The following CNTNAP2 variants were observed in gnomAD, a reference collection of about 807,000 sequenced individuals.
CNTNAP2 encodes contactin associated protein 2.
In CNTNAP2, 98 loss-of-function variants were observed where a neutral mutation model predicts 155.2. The observed-to-expected ratio is 0.63, with a 90% CI of 0.54 to 0.75. CNTNAP2 has a LOEUF of 0.75. CNTNAP2 is among the 30% of genes least tolerant of loss of function. CNTNAP2 has a pLI of 0.00. For missense variants in CNTNAP2, 1,727 were observed against 1,688.1 expected (o/e 1.02, Z -0.40); for synonymous variants, 651 against 631.2 (o/e 1.03, Z -0.47).
intron 15 of CNTNAP2, among the ~76,000 whole-genome samples, chr7:148,027,394 A>G (rs958987371): frequency 1.3e-5 from 2 of 152,160 alleles, no homozygotes; most frequent in African/African-American, 4.8e-5. Flanking sequence ...AATTCAGCCC[A>G]CCTAAAGTTT....
intron 16 of CNTNAP2, among the ~76,000 whole-genome samples, chr7:148,120,430 C>T (rs1215103707): frequency 6.6e-6 from 1 of 151,946 alleles, no homozygotes; most frequent in African/African-American, 2.4e-5. Flanking sequence ...CTGCACCTGG[C>T]TAATTGTTGT....
intron 18 of CNTNAP2, among the ~76,000 whole-genome samples, chr7:148,214,640 G>A (rs999363827): frequency 6.6e-6 from 1 of 152,124 alleles, no homozygotes; most frequent in Non-Finnish European, 1.5e-5. Context: ...GGCGGATCTC[G>A]GCTCAGTACA....
chr7:147,389,304 GC>G (rs1373089366), intron 9 of CNTNAP2, among the ~76,000 whole-genome samples: 10 of 152,170 alleles, frequency 6.6e-5, no homozygotes, highest in Admixed American at 6.5e-4. Context: ...CATTCCACCA[GC>G]CTCCCTTGGA....
At chr7:146,248,189 C>T (rs991363239) in intron 1 of CNTNAP2, among the ~76,000 whole-genome samples, 12 of 151,618 alleles carry the variant, frequency 7.9e-5, no homozygotes, top group African/African-American at 1.9e-4. Flanking sequence ...AATAAGGGAT[C>T]GAGGCGCAGA....
intron 2 of CNTNAP2, among the ~76,000 whole-genome samples, chr7:146,784,514 T>TAAAC (rs554289243): frequency 1.3e-5 from 2 of 152,206 alleles, no homozygotes; most frequent in Non-Finnish European, 2.9e-5. Flanking sequence ...TCAATGTATT[T>TAAAC]AAACAAACAA....
intron 4 of CNTNAP2, among the ~76,000 whole-genome samples, chr7:147,104,392 C>T (rs1800715673): frequency 6.6e-6 from 1 of 151,966 alleles, no homozygotes; most frequent in South Asian, 2.1e-4. Context: ...AAACTATATA[C>T]AGTATTATCC....
chr7:146,595,912 C>T (rs1417632807), intron 1 of CNTNAP2, among the ~76,000 whole-genome samples: 2 of 151,828 alleles, frequency 1.3e-5, no homozygotes, highest in African/African-American at 4.8e-5. Flanking sequence ...TTAACTTGTC[C>T]AGGTGTAAAT....
chr7:148,053,259 A>G (rs1802928856), intron 15 of CNTNAP2, among the ~76,000 whole-genome samples: 1 of 152,186 alleles, frequency 6.6e-6, no homozygotes, highest in African/African-American at 2.4e-5. Flanking sequence ...GGGGAACCTT[A>G]CATTTTCTTT....
intron 13 of CNTNAP2, among the ~76,000 whole-genome samples, chr7:147,673,749 C>A (rs1429301816): frequency 1.3e-5 from 2 of 152,018 alleles, no homozygotes; most frequent in Non-Finnish European, 2.9e-5. Flanking sequence ...GAGACACAGA[C>A]CAACTGAAAT....
At chr7:147,736,703 T>C (rs1368159612) in intron 13 of CNTNAP2, among the ~76,000 whole-genome samples, 1 of 152,226 alleles carries the variant, frequency 6.6e-6, no homozygotes, top group Non-Finnish European at 1.5e-5. Flanking sequence ...CCATATTTCT[T>C]GGAGGCTTTG....
intron 1 of CNTNAP2, among the ~76,000 whole-genome samples, chr7:146,658,262 C>T (rs182742523): frequency 7.2e-5 from 11 of 151,806 alleles, no homozygotes; most frequent in South Asian, 4.2e-4. Flanking sequence ...AATTTACAAA[C>T]GGTAAAGATC....
Position 147,128,775 on chromosome 7 carries a change from A to G in CNTNAP2, c.1022A>G (p.Asn341Ser). ...KNFKGCMESINYNGVNITDLA... is the reference protein window; with the variant it reads ...KNFKGCMESISYNGVNITDLA... ...TTCAAAGGCTGCATGGAAAGCATCAACTACAATGGCGTCAACATTACTGAT... is the reference window on the plus strand; with the variant it reads ...TTCAAAGGCTGCATGGAAAGCATCAGCTACAATGGCGTCAACATTACTGAT... Residue 341 changes from asparagine to serine, a missense_variant, in exon 7 of 24, where the codon AAC becomes AGC. Coordinates refer to ENST00000361727, the MANE Select transcript of CNTNAP2 (RefSeq NM_014141.6). 1 of 1,614,142 alleles carries G rather than the reference A, an allele frequency of 6.2e-7. No homozygotes were observed. Among genetic ancestry groups the G allele is most frequent in the South Asian group, 1.1e-5 (1 of 91,088 alleles).
chr7:146,912,356 A>G (rs1420646938), intron 3 of CNTNAP2, among the ~76,000 whole-genome samples: 3 of 151,692 alleles, frequency 2.0e-5, no homozygotes, highest in Admixed American at 2.0e-4. Flanking sequence ...TCAAACATGC[A>G]TACTAATAAA....
chr7:147,468,204 C>A (rs1375677363), intron 10 of CNTNAP2, among the ~76,000 whole-genome samples: 1 of 152,082 alleles, frequency 6.6e-6, no homozygotes, highest in Non-Finnish European at 1.5e-5. Flanking sequence ...GGCAGGATTG[C>A]TTGACCCTAG....
intron 14 of CNTNAP2, among the ~76,000 whole-genome samples, chr7:147,959,067 T>C (rs1463553335): frequency 6.6e-6 from 1 of 152,204 alleles, no homozygotes; most frequent in Non-Finnish European, 1.5e-5. Flanking sequence ...TAAAAACTTA[T>C]CATTCCTTTC....
At chr7:148,182,000 G>A (rs1399242733) in intron 18 of CNTNAP2, among the ~76,000 whole-genome samples, 1 of 150,728 alleles carries the variant, frequency 6.6e-6, no homozygotes, top group African/African-American at 2.4e-5. Context: ...CTCGTGATCC[G>A]CCCGCCTCAG....
At chr7:146,439,022 C>A (rs2129118855) in intron 1 of CNTNAP2, among the ~76,000 whole-genome samples, 1 of 151,430 alleles carries the variant, frequency 6.6e-6, no homozygotes, top group South Asian at 2.1e-4. Context: ...TTTTCAAAAA[C>A]AGAAAACAGT....
At chr7:147,388,291 A>G (rs943080109) in intron 9 of CNTNAP2, among the ~76,000 whole-genome samples, 2 of 152,124 alleles carry the variant, frequency 1.3e-5, no homozygotes, top group Non-Finnish European at 2.9e-5. Flanking sequence ...AAAATGTTCC[A>G]GATTCTTACT....
intron 15 of CNTNAP2, among the ~76,000 whole-genome samples, chr7:148,106,447 G>C (rs1252015133): frequency 6.7e-6 from 1 of 148,938 alleles, no homozygotes; most frequent in Non-Finnish European, 1.5e-5. Flanking sequence ...TCATTCCCCA[G>C]AGTCACCCCC....
Sources: gnomAD v4.1 joint callset for allele counts (sites outside exome capture counted in the v4.1 genomes callset) on GRCh38, gnomAD v4.1.1 for gene constraint, MANE v1.5 for transcripts, NCBI Gene and HGNC (gene_info 2026-07-23, HGNC 2026-07-21) for gene names.